The following ARHGAP24 variants were observed in gnomAD, a reference collection of about 807,000 sequenced individuals.
ARHGAP24 encodes the protein Rho GTPase activating protein 24, also known as rho GTPase-activating protein 24.
Under a neutral mutation model 76.4 loss-of-function variants are expected in ARHGAP24, and 50 were observed. The observed-to-expected ratio is 0.65, with a 90% CI of 0.52 to 0.83. ARHGAP24 has a LOEUF of 0.83. Ranked by LOEUF, ARHGAP24 falls within the 40% of genes least tolerant of loss-of-function variation. The probability of loss-of-function intolerance (pLI) is 0.00; values close to 1 mark genes in which losing one functional copy is unlikely to be tolerated. For missense variants in ARHGAP24, 930 were observed against 914.2 expected (o/e 1.02, Z -0.22); for synonymous variants, 345 against 323.3 (o/e 1.07, Z -0.72).
intron 2 of ARHGAP24, among the ~76,000 whole-genome samples, chr4:85,601,110 CTT>C (rs1578068633): frequency 1.3e-5 from 2 of 152,070 alleles, no homozygotes; most frequent in South Asian, 4.1e-4. Context: ...TCTAAAGAGA[CTT>C]TTATTTCACT....
chr4:85,594,415 C>T (rs1366636075), intron 2 of ARHGAP24, among the ~76,000 whole-genome samples: 3 of 152,008 alleles, frequency 2.0e-5, no homozygotes, highest in East Asian at 3.9e-4. Flanking sequence ...TTGACTTCTT[C>T]CTTTCCAATT....
At position 85,931,006 on chromosome 4, in the gene ARHGAP24, T is replaced by C. The variant is rs1412923185; in HGVS notation, c.391+7236T>C. 5 of 1,613,930 alleles carry C rather than the reference T, an allele frequency of 3.1e-6. No homozygotes were observed. In the East Asian group the frequency reaches 8.9e-5, roughly 29 times the overall value. On this transcript the variant is annotated intron_variant, in intron 4 of 9. Coordinates refer to ENST00000395184, the MANE Select transcript of ARHGAP24 (RefSeq NM_001025616.3). ...AACTCCTTTCATCCCTAAAACTACA[T>C]ACAGAAGAATCAAACGGTGTTTTAG...
At chr4:85,854,551 A>T (rs1731446647) in intron 3 of ARHGAP24, among the ~76,000 whole-genome samples, 3 of 152,158 alleles carry the variant, frequency 2.0e-5, no homozygotes, top group South Asian at 2.1e-4. Flanking sequence ...CCAAATCTCA[A>T]AACTCCTTTT....
rs187516096 is a variant in ARHGAP24, at chr4:85,518,863, T to C, written c.-21+43304T>C. Among the ~76,000 whole-genome samples the C allele has an allele frequency of 3.1e-3, 478 of 152,324 alleles. 1 individual carries two copies. Among genetic ancestry groups the C allele is most frequent in the African/African-American group, 0.011 (456 of 41,570 alleles). ...TAAGTTTTTCGAATAATGACTTCTT[T>C]TCCTCTGGGTAGATACCTAGTGGTG... On this transcript the variant is annotated intron_variant, in intron 1 of 9. Coordinates refer to ENST00000395184, the MANE Select transcript of ARHGAP24 (RefSeq NM_001025616.3).
intron 2 of ARHGAP24, among the ~76,000 whole-genome samples, chr4:85,665,598 T>G (rs1210939296): frequency 6.6e-6 from 1 of 152,256 alleles, no homozygotes; most frequent in African/African-American, 2.4e-5. Context: ...TGATGCAGTT[T>G]CTTCCTAGCC....
intron 4 of ARHGAP24, among the ~76,000 whole-genome samples, chr4:85,935,429 T>A (rs151088043): frequency 1.3e-5 from 2 of 152,322 alleles, no homozygotes; most frequent in African/African-American, 4.8e-5. Context: ...GGAAACCCAG[T>A]GATTCACATA....
At chr4:85,974,309 T>C (rs921912268) in intron 6 of ARHGAP24, among the ~76,000 whole-genome samples, 3 of 152,204 alleles carry the variant, frequency 2.0e-5, no homozygotes, top group South Asian at 2.1e-4. Flanking sequence ...TGGACCTTTA[T>C]GGGCAGAAGA....
chr4:85,790,058 A>G (rs1728047533), intron 3 of ARHGAP24, among the ~76,000 whole-genome samples: 1 of 152,164 alleles, frequency 6.6e-6, no homozygotes, highest in African/African-American at 2.4e-5. Flanking sequence ...CTTAAAATGC[A>G]AATTTCTAGG....
chr4:85,835,241 G>C (rs1730196038), intron 3 of ARHGAP24, among the ~76,000 whole-genome samples: 1 of 151,126 alleles, frequency 6.6e-6, no homozygotes, highest in Non-Finnish European at 1.5e-5. Context: ...CTAGTAACTC[G>C]CACAATGTAA....
Position 85,994,750 on chromosome 4 carries a change from A to T in ARHGAP24, c.1096A>T (p.Thr366Ser). 6.2e-7 allele frequency: 1 copy of T among 1,614,142 alleles called. No homozygotes were observed. The highest frequency in any genetic ancestry group is 8.5e-7 in the Non-Finnish European group (1 of 1,180,016). Residue 366 changes from threonine (T) to serine (S), a missense_variant, in exon 9 of 10, where the codon ACC becomes TCC. By Grantham distance (58) the Thr-to-Ser change is moderately conservative. Transcript: ENST00000395184. ...GQLQNKENNN[T>S]KDSPSRQCSW... ...GTTACAGAACAAGGAGAACAATAAC[A>T]CCAAGGACAGCCCTAGTAGGCAGTG...
In ARHGAP24 at chr4:85,630,399, G is replaced by A. The variant is rs72982071; in HGVS notation, c.180+59678G>A. Among the ~76,000 whole-genome samples, 241 of 152,208 alleles carry A rather than the reference G, an allele frequency of 1.6e-3. 1 individual carries two copies. Among genetic ancestry groups the A allele is most frequent in the Middle Eastern group, 0.01 (3 of 294 alleles). The stretch of plus-strand genomic sequence containing the variant: ...TTCATTTTGTTCTTTTGATGGTGTC[G>A]CATTTCTGTGATTATTCATGATCCT... On this transcript the variant is annotated intron_variant, in intron 2 of 9. Transcript: ENST00000395184.
intron 1 of ARHGAP24, among the ~76,000 whole-genome samples, chr4:85,501,002 A>G (rs1039476299): frequency 2.6e-5 from 4 of 152,104 alleles, no homozygotes; most frequent in Non-Finnish European, 4.4e-5. Context: ...TAGTTTGCTC[A>G]GAATGATGGT....
chr4:85,742,161 C>A (rs1472497351), intron 3 of ARHGAP24, among the ~76,000 whole-genome samples: 1 of 152,142 alleles, frequency 6.6e-6, no homozygotes, highest in Non-Finnish European at 1.5e-5. Flanking sequence ...AGGATTTGGC[C>A]ACCATGGCAC....
At chr4:85,651,125 G>A (rs1230199492) in intron 2 of ARHGAP24, among the ~76,000 whole-genome samples, 2 of 149,186 alleles carry the variant, frequency 1.3e-5, no homozygotes, top group East Asian at 3.8e-4. Context: ...CGGTGAAGTT[G>A]GAGCTTAGTA....
At chr4:85,642,728 A>G (rs1236497344) in intron 2 of ARHGAP24, among the ~76,000 whole-genome samples, 1 of 152,162 alleles carries the variant, frequency 6.6e-6, no homozygotes, top group Non-Finnish European at 1.5e-5. Context: ...GATTACTTCA[A>G]AAGTCCTTTG....
intron 2 of ARHGAP24, among the ~76,000 whole-genome samples, chr4:85,699,319 G>T (rs748749369): frequency 1.3e-5 from 2 of 152,164 alleles, no homozygotes; most frequent in Non-Finnish European, 2.9e-5. Context: ...TTTCAAACTG[G>T]ACAGTGGCTC....
chr4:85,782,090 G>A (rs1219270976), intron 3 of ARHGAP24, among the ~76,000 whole-genome samples: 1 of 148,016 alleles, frequency 6.8e-6, no homozygotes, highest in Non-Finnish European at 1.5e-5. Context: ...TCTAGAAATT[G>A]TGCTTATTTT....
At chr4:85,942,028 T>C in intron 4 of ARHGAP24, 38 bp from the exon 5 acceptor site, 3 of 1,596,698 alleles carry the variant, frequency 1.9e-6, no homozygotes, top group East Asian at 2.2e-5. Context: ...TGGGAAGAGA[T>C]AAATTTCCCA....
intron 3 of ARHGAP24, among the ~76,000 whole-genome samples, chr4:85,884,632 C>T (rs1733456958): frequency 6.6e-6 from 1 of 152,120 alleles, no homozygotes; most frequent in South Asian, 2.1e-4. Context: ...AACCCCTATC[C>T]CACTTCCTAC....
Sources: gnomAD v4.1 joint callset for allele counts (sites outside exome capture counted in the v4.1 genomes callset) on GRCh38, gnomAD v4.1.1 for gene constraint, MANE v1.5 for transcripts, NCBI Gene and HGNC (gene_info 2026-07-23, HGNC 2026-07-21) for gene names.